Variants in TKT observed in about 807,000 individuals in gnomAD.
TKT encodes epididymis luminal protein 107.
Under a neutral mutation model 63.9 loss-of-function variants are expected in TKT, and 47 were observed. The ratio of observed to expected loss-of-function variants is 0.74; its 90% confidence interval spans 0.58 to 0.94. The LOEUF (loss-of-function observed/expected upper bound fraction) is 0.94. Among genes scored for constraint, TKT ranks in the 40% least tolerant of loss-of-function variants. The probability of loss-of-function intolerance (pLI) is 0.00; values close to 1 mark genes in which losing one functional copy is unlikely to be tolerated. For synonymous variants in TKT, 338 were observed against 334.1 expected (o/e 1.01, Z -0.13); for missense variants, 721 against 846.2 (o/e 0.85, Z 1.84).
chr3:53,250,475 C>T (rs1705697122), intron 1 of TKT, among the ~76,000 whole-genome samples: 1 of 152,198 alleles, frequency 6.6e-6, no homozygotes, highest in Non-Finnish European at 1.5e-5. Flanking sequence ...AACCACCTAT[C>T]CATGAACCTC....
chr3:53,227,042 C>CAAGCA, intron 12 of TKT, 164 bp from the exon 13 acceptor site: 1 of 826,774 alleles, frequency 1.2e-6, no homozygotes, highest in Non-Finnish European at 1.8e-6. Flanking sequence ...GTTCCCATGG[C>CAAGCA]TGAGCTCATG....
chr3:53,244,456 G>A (rs9859430), intron 1 of TKT, among the ~76,000 whole-genome samples: 12,421 of 152,124 alleles, frequency 0.082, 1,720 homozygotes, highest in African/African-American at 0.28. Flanking sequence ...TCTAGCAGCC[G>A]CCACCACTGC....
intron 2 of TKT, among the ~76,000 whole-genome samples, chr3:53,241,671 G>A (rs546607346): frequency 2.0e-5 from 3 of 152,218 alleles, no homozygotes; most frequent in South Asian, 2.1e-4. Flanking sequence ...ACCCAGAAGG[G>A]GGGGGTCAGG....
intron 5 of TKT, 74 bp from the exon 6 acceptor site, chr3:53,233,348 C>T: frequency 7.8e-7 from 1 of 1,275,580 alleles, no homozygotes; most frequent in Non-Finnish European, 1.1e-6. Flanking sequence ...AGGGAAAGGT[C>T]TGCCTTGGCA....
chr3:53,234,706 C>G (rs1461756964), intron 5 of TKT: 1 of 316,290 alleles, frequency 3.2e-6, no homozygotes, highest in Non-Finnish European at 5.8e-6. Context: ...AAGAACAAAG[C>G]GAGCTGACGT....
intron 4 of TKT, among the ~76,000 whole-genome samples, chr3:53,238,324 T>C (rs1705125930): frequency 1.3e-5 from 2 of 152,262 alleles, no homozygotes; most frequent in African/African-American, 4.8e-5. Context: ...TCTCATTCTT[T>C]GTGTGTCTCT....
At chr3:53,245,191 A>G (rs1297122060) in intron 1 of TKT, among the ~76,000 whole-genome samples, 1 of 151,780 alleles carries the variant, frequency 6.6e-6, no homozygotes, top group Non-Finnish European at 1.5e-5. Flanking sequence ...CTGTAATCCC[A>G]GCTACTCGGG....
At chr3:53,229,472 C>A (rs200810369) in intron 8 of TKT, 36 bp from the exon 9 acceptor site, 42 of 1,579,808 alleles carry the variant, frequency 2.7e-5, no homozygotes, top group Admixed American at 1.8e-4. Context: ...CCCAAAGGGG[C>A]AGGCAGAGGG....
At chr3:53,240,677 C>T (rs1222085706) in intron 3 of TKT, among the ~76,000 whole-genome samples, 2 of 152,204 alleles carry the variant, frequency 1.3e-5, no homozygotes, top group African/African-American at 4.8e-5. Context: ...ATTTGCCCCT[C>T]GTGGGGACCC....
At chr3:53,237,622 T>C (rs1383329585) in intron 4 of TKT, among the ~76,000 whole-genome samples, 1 of 151,738 alleles carries the variant, frequency 6.6e-6, no homozygotes, top group African/African-American at 2.4e-5. Flanking sequence ...GGCAGTGTGC[T>C]AAGAATAAGG....
At chr3:53,243,343 G>C (rs564814908) in intron 1 of TKT, among the ~76,000 whole-genome samples, 9 of 152,162 alleles carry the variant, frequency 5.9e-5, no homozygotes, top group Admixed American at 4.6e-4. Flanking sequence ...GCTCAGCTCA[G>C]CTCAGCCCTC....
chr3:53,247,533 G>A (rs941742555), intron 1 of TKT, among the ~76,000 whole-genome samples: 6 of 150,212 alleles, frequency 4.0e-5, no homozygotes, highest in African/African-American at 1.2e-4. Flanking sequence ...TACTTTACAT[G>A]GGAGGCTAAG....
At chr3:53,233,611 G>A (rs1447409992) in intron 5 of TKT, 11 of 198,096 alleles carry the variant, frequency 5.6e-5, no homozygotes, top group African/African-American at 9.3e-5. Context: ...AGCGCACTGG[G>A]TTTGGAATCT....
At chr3:53,242,286 C>T (rs1429280190) in intron 1 of TKT, 44 bp from the exon 2 acceptor site, 1 of 1,574,316 alleles carries the variant, frequency 6.4e-7, no homozygotes, top group Non-Finnish European at 8.7e-7. Flanking sequence ...CATGGCCCTG[C>T]ACTCCTGAGC....
chr3:53,231,557 AC>A lies in TKT; in HGVS notation c.749-8del. ...GACTCCTTATCTTCTACCCCTGCAG[AC>A]CCAACACGGGAGGACAGAGGAATGG... is the stretch of plus-strand genomic sequence containing the variant. On this transcript the variant is annotated splice_region_variant and splice_polypyrimidine_tract_variant and intron_variant, in intron 6 of 13. Coordinates refer to ENST00000462138, the MANE Select transcript of TKT (RefSeq NM_001064.4). The A allele has an allele frequency of 6.2e-7, 1 of 1,612,374 alleles. No individual in the cohort carries two copies.
chr3:53,232,886 C>A (rs986713038), intron 6 of TKT: 1 of 450,690 alleles, frequency 2.2e-6, no homozygotes, highest in South Asian at 4.1e-5. Context: ...CCTCACTCCA[C>A]GACCTTCCTC....
In TKT at chr3:53,231,288, G is replaced by A. The variant is rs901444105; in HGVS notation, c.942+69C>T. The A allele has an allele frequency of 5.3e-5, 82 of 1,553,970 alleles. 1 individual carries two copies. The highest frequency in any genetic ancestry group is 7.0e-5 in the Non-Finnish European group (80 of 1,140,202). ...CCTCCCTTTCCCAGCCCTCCAGAGG[G>A]TGTATCTGGGCCACAGACTTGGGAA... On this transcript the variant is annotated intron_variant, in intron 7 of 13. Transcript: ENST00000462138.
intron 1 of TKT, among the ~76,000 whole-genome samples, chr3:53,246,142 C>G (rs1705492134): frequency 6.6e-6 from 1 of 152,012 alleles, no homozygotes; most frequent in African/African-American, 2.4e-5. Context: ...GTGGCAGGCA[C>G]CCGTAATCCC....
Position 53,229,391 on chromosome 3 carries a change from A to C in TKT, c.1153T>G (p.Phe385Val). 6.2e-7 allele frequency: 1 copy of C among 1,612,512 alleles called. No individual in the cohort carries two copies. The highest frequency in any genetic ancestry group is 2.2e-5 in the East Asian group (1 of 44,836). ...AAGAAGGCTGCAAAAGTGCTGCAGA[A>C]GGGCACCGTCCTGTTGCGGGTGGCA... ...GCATRNRTVPFCSTFAAFFTR... is the reference protein window; with the variant it reads ...GCATRNRTVPVCSTFAAFFTR... The change falls in exon 9 of 14, where the codon TTC (phenylalanine) becomes GTC (valine). Residue 385 changes from phenylalanine (F) to valine (V), a missense_variant. By Grantham distance (50) the Phe-to-Val change is conservative. Coordinates refer to ENST00000462138, the MANE Select transcript of TKT (RefSeq NM_001064.4).
Sources: gnomAD v4.1 joint callset for allele counts (sites outside exome capture counted in the v4.1 genomes callset) on GRCh38, gnomAD v4.1.1 for gene constraint, MANE v1.5 for transcripts, NCBI Gene and HGNC (gene_info 2026-07-23, HGNC 2026-07-21) for gene names.